ATXN2: variants seen among roughly 807,000 people sequenced by gnomAD.
ATXN2 encodes the protein ataxin-2.
In ATXN2, 37 loss-of-function variants were observed where a neutral mutation model predicts 138.6. The ratio of observed to expected loss-of-function variants is 0.27; its 90% CI spans 0.21 to 0.35. The LOEUF (loss-of-function observed/expected upper bound fraction) is 0.35. ATXN2 is among the 10% of genes least tolerant of loss of function. The pLI is 1.00. For synonymous variants in ATXN2, 549 were observed against 543.7 expected, an observed-to-expected ratio of 1.01 and a Z score of -0.13; for missense variants, 1,216 against 1,480.3, an observed-to-expected ratio of 0.82 and a Z score of 2.93.
intron 18 of ATXN2, chr12:111,471,907 C>T (rs900095541): frequency 2.6e-5 from 4 of 151,986 alleles, no homozygotes; most frequent in Non-Finnish European, 5.9e-5. Context: ...AAAAGCTAGT[C>T]AAGTATACTA....
At position 111,453,446 on chromosome 12, in the gene ATXN2, T is replaced by C; in HGVS notation, c.3439+231A>G. 1 of 1,261,740 alleles carries C rather than the reference T, an allele frequency of 7.9e-7. No individual in the cohort carries two copies. The highest frequency in any genetic ancestry group is 1.0e-6 in the Non-Finnish European group (1 of 1,004,416). The allele number at this position is 1,261,740 out of a possible 1,614,324, so 78.2% of individuals were successfully genotyped here. On this transcript the variant is annotated intron_variant, in intron 24 of 24. Coordinates refer to ENST00000673436, the MANE Select transcript of ATXN2 (RefSeq NM_001372574.1). This position sits in a 1 kb window ranked among gnomAD's most constrained non-coding sequence, Gnocchi z 5.4. ...AGGCTGCTGTTGCTGCTGCTGCTGCTTCTCATCAAGCCAAATCCTGTATAC... is the reference window on the plus strand; with the variant it reads ...AGGCTGCTGTTGCTGCTGCTGCTGCCTCTCATCAAGCCAAATCCTGTATAC...
intron 1 of ATXN2, among the ~76,000 whole-genome samples, chr12:111,587,136 C>T (rs1884391345): frequency 6.8e-6 from 1 of 146,010 alleles, no homozygotes; most frequent in Non-Finnish European, 1.5e-5. Flanking sequence ...AGTGAAAAGA[C>T]ATTTAGTCTT....
At chr12:111,509,400 T>C (rs910289112) in intron 14 of ATXN2, 149 bp downstream of exon 14, 12 of 563,278 alleles carry the variant, frequency 2.1e-5, no homozygotes, top group South Asian at 6.1e-5. Context: ...ACTTAAAGGA[T>C]AGGCAAAGAC....
intron 11 of ATXN2, chr12:111,511,895 G>C (rs1411295593): frequency 6.6e-6 from 1 of 152,232 alleles, no homozygotes; most frequent in Non-Finnish European, 1.5e-5. Context: ...AAGCTGAGCA[G>C]AAATGTATAG....
intron 1 of ATXN2, among the ~76,000 whole-genome samples, chr12:111,573,705 G>C (rs1034008497): frequency 3.3e-5 from 5 of 152,062 alleles, no homozygotes; most frequent in African/African-American, 1.2e-4. Flanking sequence ...AGCCTGACAG[G>C]CTGGGCTGTT....
chr12:111,598,121 G>GC lies in ATXN2; in HGVS notation c.251+662dup. On this transcript the variant is annotated intron_variant, in intron 1 of 24. Coordinates refer to ENST00000673436, the MANE Select transcript of ATXN2 (RefSeq NM_001372574.1). The surrounding 1 kb of genome is among the most constrained non-coding windows in gnomAD (Gnocchi z 4.5). The stretch of plus-strand genomic sequence containing the variant: ...CCCACGATTTCAGGGGAGTTCGGGA[G>GC]CCCCCGCCGCCGCCTCGGACACGAA... The GC allele has an allele frequency of 9.0e-7, 1 of 1,107,748 alleles. No individual in the cohort carries two copies. Among genetic ancestry groups the GC allele is most frequent in the Non-Finnish European group, 1.1e-6 (1 of 897,332 alleles). 68.6% of individuals were successfully genotyped at this position (1,107,748 alleles called of 1,614,324 possible). A position where few individuals can be genotyped will look rare whatever the true frequency, so the allele number is the denominator to read the frequency against.
chr12:111,556,050 A>C, intron 1 of ATXN2, 131 bp from the exon 2 acceptor site: 2 of 713,214 alleles, frequency 2.8e-6, no homozygotes, highest in Non-Finnish European at 4.4e-6. Context: ...CCTAATATTA[A>C]GTCTAAAGGC....
chr12:111,516,219 G>A lies in ATXN2; in HGVS notation c.1310C>T (p.Ser437Phe), dbSNP rs1879847071. 1 of 1,577,294 alleles carries A rather than the reference G, an allele frequency of 6.3e-7. No homozygotes were observed. The highest frequency in any genetic ancestry group is 1.4e-5 in the African/African-American group (1 of 72,782). ...RPPSRPSRPP[S>F]HPSAHGSPAP... Reference sequence around the variant, plus strand: ...TGGAGAACCATGAGCAGAGGGGTGAGACGGGGGTCTGGATGGCCGCGAGGG... The same window carrying A: ...TGGAGAACCATGAGCAGAGGGGTGAAACGGGGGTCTGGATGGCCGCGAGGG... The change falls in exon 10 of 25, where the codon TCT (serine) becomes TTT (phenylalanine). Residue 437 changes from serine (S) to phenylalanine (F), a missense_variant. Transcript: ENST00000673436. The surrounding 1 kb of genome is among the most constrained non-coding windows in gnomAD (Gnocchi z 5.0).
chr12:111,485,833 C>G lies in ATXN2; in HGVS notation c.2337G>C (p.Arg779=). The G allele has an allele frequency of 6.2e-7, 1 of 1,613,920 alleles. No homozygotes were observed. Among genetic ancestry groups the G allele is most frequent in the South Asian group, 1.1e-5 (1 of 91,054 alleles). The change falls in exon 17 of 25, where the codon CGG becomes CGC. Residue 779 remains arginine, a synonymous_variant. Coordinates refer to ENST00000673436, the MANE Select transcript of ATXN2 (RefSeq NM_001372574.1). ...PKPSTTPTSP[R]PQAQPSPSMV... is the part of the protein sequence containing the mutation. ...TAGATGGGCTAGGTTGTGCTTGAGGCCGAGGTGAAGTTGGGGTAGTAGAAG... is the reference window on the plus strand; with the variant it reads ...TAGATGGGCTAGGTTGTGCTTGAGGGCGAGGTGAAGTTGGGGTAGTAGAAG...
intron 1 of ATXN2, among the ~76,000 whole-genome samples, chr12:111,574,749 T>C (rs1883539425): frequency 6.6e-6 from 1 of 152,158 alleles, no homozygotes; most frequent in Non-Finnish European, 1.5e-5. Context: ...TTTTCCGTTT[T>C]TCATACTGTT....
At chr12:111,539,632 A>G (rs1013167421) in intron 5 of ATXN2, among the ~76,000 whole-genome samples, 3 of 149,760 alleles carry the variant, frequency 2.0e-5, no homozygotes, top group African/African-American at 7.3e-5. Context: ...CTCTAGTCCC[A>G]GCTACCCGGG....
In ATXN2 at chr12:111,581,620, C is replaced by T. The variant is rs376022852; in HGVS notation, c.251+17164G>A. On this transcript the variant is annotated intron_variant, in intron 1 of 24. Coordinates refer to ENST00000673436, the MANE Select transcript of ATXN2 (RefSeq NM_001372574.1). ...TGGGCTTCATAGCATTGGCCTACTC[C>T]GTGAAGTCTAGGGACAAGAAGATGG... 21 of 785,590 alleles carry T rather than the reference C, an allele frequency of 2.7e-5. 1 individual carries two copies. The Admixed American group carries it at 3.5e-4, about 13-fold the overall frequency. The allele number at this position is 785,590 out of a possible 1,614,324, so 48.7% of individuals were successfully genotyped here. A position where few individuals can be genotyped will look rare whatever the true frequency, so the allele number is the denominator to read the frequency against.
intron 14 of ATXN2, among the ~76,000 whole-genome samples, chr12:111,501,688 T>C (rs912573107): frequency 1.3e-5 from 2 of 152,224 alleles, no homozygotes; most frequent in African/African-American, 4.8e-5. Flanking sequence ...TAAGTCACGA[T>C]GTAGGAACTT....
chr12:111,595,412 C>T (rs1017453481), intron 1 of ATXN2, among the ~76,000 whole-genome samples: 2 of 152,222 alleles, frequency 1.3e-5, no homozygotes, highest in South Asian at 2.1e-4. Context: ...GAGGCCGAGG[C>T]GGGCGCATCA....
rs33967202 is a variant in ATXN2 at position 111,479,390 on chromosome 12, TAAAA to T, written c.2524+5871_2524+5874del. Among the ~76,000 whole-genome samples, 94 of 49,856 alleles carry T rather than the reference TAAAA, an allele frequency of 1.9e-3. 1 individual carries two copies. Among genetic ancestry groups the T allele is most frequent in the African/African-American group, 6.0e-3 (94 of 15,634 alleles). The allele number at this position is 49,856 out of a possible 152,430, so 32.7% of individuals were successfully genotyped here. On this transcript the variant is annotated intron_variant, in intron 18 of 24. Coordinates refer to ENST00000673436, the MANE Select transcript of ATXN2 (RefSeq NM_001372574.1). ...CAACATGGTGAAATCCCGTCTCTGC[TAAAA>T]AAAAAAAAAAAAAAAAAAAAAAGAG...
At chr12:111,475,736 A>G (rs894179211) in intron 18 of ATXN2, among the ~76,000 whole-genome samples, 1 of 152,042 alleles carries the variant, frequency 6.6e-6, no homozygotes, top group Non-Finnish European at 1.5e-5. Context: ...GTTCATATGG[A>G]AAAATAAACA....
intron 12 of ATXN2, 73 bp from the exon 13 acceptor site, chr12:111,510,071 T>C (rs988878918): frequency 1.8e-6 from 2 of 1,121,064 alleles, no homozygotes; most frequent in African/African-American, 3.2e-5. Flanking sequence ...AACAATAATT[T>C]TGATTTCCTA....
At chr12:111,494,850 G>A (rs958804793) in intron 14 of ATXN2, among the ~76,000 whole-genome samples, 7 of 151,976 alleles carry the variant, frequency 4.6e-5, no homozygotes, top group Admixed American at 1.3e-4. Flanking sequence ...AAAAAGGAGC[G>A]AAGAGGAAGT....
intron 1 of ATXN2, among the ~76,000 whole-genome samples, chr12:111,574,045 C>T (rs1442341271): frequency 3.3e-5 from 5 of 151,218 alleles, no homozygotes; most frequent in South Asian, 4.2e-4. Context: ...CGGCCGGGTG[C>T]GGTGATTCAA....
Sources: gnomAD v4.1 joint callset for allele counts (sites outside exome capture counted in the v4.1 genomes callset) on GRCh38, gnomAD v4.1.1 for gene constraint, Gnocchi (gnomAD v3.1) non-coding constraint, MANE v1.5 for transcripts, NCBI Gene and HGNC (gene_info 2026-07-23, HGNC 2026-07-21) for gene names.